The following KIAA0825 variants were observed in gnomAD, a reference collection of about 807,000 sequenced individuals.
KIAA0825 encodes KIAA0825.
A neutral mutation model predicts 147.6 loss-of-function variants in KIAA0825; 119 were observed. The observed-to-expected ratio is 0.81, with a 90% CI of 0.69 to 0.94. The LOEUF (loss-of-function observed/expected upper bound fraction) is 0.94, where lower values mean the gene tolerates loss of function less well. KIAA0825 is among the 40% of genes least tolerant of loss of function. KIAA0825 has a pLI of 0.00. For missense variants in KIAA0825, 1,381 were observed against 1,472.7 expected, an observed-to-expected ratio of 0.94 and a Z score of 1.02; for synonymous variants, 470 against 518.1, an observed-to-expected ratio of 0.91 and a Z score of 1.26.
At chr5:94,439,905 G>T in intron 14 of KIAA0825, 77 bp downstream of exon 14, 1 of 1,402,416 alleles carries the variant, frequency 7.1e-7, no homozygotes, top group Non-Finnish European at 9.7e-7. Flanking sequence ...TCCAATGTTT[G>T]CCTAGGAAAA....
chr5:94,320,526 T>G (rs1780070830), intron 20 of KIAA0825, among the ~76,000 whole-genome samples: 1 of 151,756 alleles, frequency 6.6e-6, no homozygotes, highest in Non-Finnish European at 1.5e-5. Context: ...CTTCCCAGCT[T>G]CTGGTATGTT....
chr5:94,212,301 T>G (rs936903155), intron 20 of KIAA0825, among the ~76,000 whole-genome samples: 5 of 152,200 alleles, frequency 3.3e-5, no homozygotes, highest in Admixed American at 3.3e-4. Context: ...CAGTTTTGTT[T>G]ATATATTGCC....
chr5:94,180,744 ATCTT>A (rs1444263221), intron 20 of KIAA0825, among the ~76,000 whole-genome samples: 2 of 152,102 alleles, frequency 1.3e-5, no homozygotes, highest in Non-Finnish European at 2.9e-5. Flanking sequence ...ATCTATTTTC[ATCTT>A]TCTTGAAATT....
At chr5:94,577,978 A>C (rs1426720470) in intron 2 of KIAA0825, among the ~76,000 whole-genome samples, 1 of 152,224 alleles carries the variant, frequency 6.6e-6, no homozygotes, top group Non-Finnish European at 1.5e-5. Context: ...GTTAATTATC[A>C]TAATCAAGTG....
At chr5:94,292,781 A>G (rs944120265) in intron 20 of KIAA0825, among the ~76,000 whole-genome samples, 1 of 152,086 alleles carries the variant, frequency 6.6e-6, no homozygotes, top group African/African-American at 2.4e-5. Context: ...TACTGCCTCA[A>G]TTTCAGAACT....
intron 20 of KIAA0825, among the ~76,000 whole-genome samples, chr5:94,227,279 C>T (rs1467630049): frequency 2.6e-5 from 4 of 151,918 alleles, no homozygotes; most frequent in Non-Finnish European, 5.9e-5. Context: ...TCATCATTCT[C>T]AGTAAACTAT....
At chr5:94,351,048 G>C (rs1315963678) in intron 20 of KIAA0825, among the ~76,000 whole-genome samples, 2 of 152,022 alleles carry the variant, frequency 1.3e-5, no homozygotes, top group African/African-American at 4.8e-5. Flanking sequence ...CTTCAATGTA[G>C]TACTGGAAGT....
At chr5:94,474,906 G>A (rs558429363) in intron 7 of KIAA0825, among the ~76,000 whole-genome samples, 108 of 152,218 alleles carry the variant, frequency 7.1e-4, no homozygotes, top group African/African-American at 2.3e-3. Context: ...TGGCTAACAC[G>A]GTGAAACCCG....
chr5:94,250,835 G>A (rs980356990), intron 20 of KIAA0825, among the ~76,000 whole-genome samples: 1 of 152,092 alleles, frequency 6.6e-6, no homozygotes, highest in African/African-American at 2.4e-5. Context: ...AATGAGATAT[G>A]CAATGCAAAC....
intron 12 of KIAA0825, among the ~76,000 whole-genome samples, chr5:94,454,200 A>G (rs1264306002): frequency 6.6e-6 from 1 of 152,206 alleles, no homozygotes; most frequent in Non-Finnish European, 1.5e-5. Flanking sequence ...ATATTTTCCT[A>G]CACAGAGTTA....
At chr5:94,356,373 C>G (rs1784251917) in intron 20 of KIAA0825, among the ~76,000 whole-genome samples, 1 of 151,562 alleles carries the variant, frequency 6.6e-6, no homozygotes. Flanking sequence ...TTTGGGAGGC[C>G]GAAGTGGGCG....
intron 20 of KIAA0825, among the ~76,000 whole-genome samples, chr5:94,227,622 A>G (rs948767234): frequency 1.3e-5 from 2 of 151,852 alleles, no homozygotes; most frequent in Non-Finnish European, 2.9e-5. Context: ...GCGCAAATAC[A>G]CCATGGGATA....
intron 20 of KIAA0825, among the ~76,000 whole-genome samples, chr5:94,212,874 C>G (rs1360827874): frequency 6.6e-6 from 1 of 152,112 alleles, no homozygotes; most frequent in Admixed American, 6.5e-5. Flanking sequence ...GGGACAAAAG[C>G]CATCACAAGA....
intron 2 of KIAA0825, among the ~76,000 whole-genome samples, chr5:94,550,623 AC>A (rs1775334462): frequency 6.6e-6 from 1 of 152,188 alleles, no homozygotes. Context: ...CAGGCGGATC[AC>A]GAGGTCAGGA....
At chr5:94,260,185 G>A (rs1193918978) in intron 20 of KIAA0825, among the ~76,000 whole-genome samples, 1 of 152,042 alleles carries the variant, frequency 6.6e-6, no homozygotes, top group Non-Finnish European at 1.5e-5. Flanking sequence ...CTAGACATCA[G>A]GTTTGCAATA....
intron 20 of KIAA0825, among the ~76,000 whole-genome samples, chr5:94,351,881 G>A (rs1783708690): frequency 6.6e-6 from 1 of 152,162 alleles, no homozygotes; most frequent in Non-Finnish European, 1.5e-5. Flanking sequence ...ACATGTAGGA[G>A]AATGAAACTG....
At chr5:94,578,593 T>C (rs543829147) in intron 2 of KIAA0825, among the ~76,000 whole-genome samples, 3 of 152,354 alleles carry the variant, frequency 2.0e-5, no homozygotes, top group African/African-American at 7.2e-5. Flanking sequence ...GTTTAGTTAC[T>C]AGATCTCATT....
chr5:94,339,058 C>T (rs1404758124), intron 20 of KIAA0825, among the ~76,000 whole-genome samples: 1 of 151,978 alleles, frequency 6.6e-6, no homozygotes, highest in African/African-American at 2.4e-5. Flanking sequence ...CTTTCTTCTT[C>T]CTTAAAAATA....
At position 94,153,596 on chromosome 5, in the gene KIAA0825, A is replaced by T. The variant is rs1766760696; in HGVS notation, c.*411T>A. 1.3e-5 allele frequency: 2 copies of T among 153,406 alleles called. No individual in the cohort carries two copies. The highest frequency in any genetic ancestry group is 6.5e-5 in the Admixed American group (1 of 15,334). 9.5% of individuals were successfully genotyped at this position (153,406 alleles called of 1,614,324 possible). ...TGGGCTACAGCTACAACAAAATTAA[A>T]TTAAAAATTTCAGATGACCTCCTGG... On this transcript the variant is annotated 3_prime_UTR_variant, in exon 21 of 21. Transcript: ENST00000682413.
Sources: gnomAD v4.1 joint callset for allele counts (sites outside exome capture counted in the v4.1 genomes callset) on GRCh38, gnomAD v4.1.1 for gene constraint, MANE v1.5 for transcripts, NCBI Gene and HGNC (gene_info 2026-07-23, HGNC 2026-07-21) for gene names.